Variants in CABCOCO1 observed in about 807,000 individuals in gnomAD.
The protein encoded by CABCOCO1 is ciliary associated calcium binding coiled-coil 1.
In CABCOCO1, 28 loss-of-function variants were observed where a neutral mutation model predicts 35.7. The observed-to-expected ratio is 0.78, with a 90% confidence interval of 0.58 to 1.07. CABCOCO1 has a LOEUF of 1.07. CABCOCO1 is among the 50% of genes least tolerant of loss of function. CABCOCO1 has a pLI of 0.00. For synonymous variants in CABCOCO1, 95 were observed against 100.1 expected (o/e 0.95, Z 0.30); for missense variants, 326 against 309.2 (o/e 1.05, Z -0.41).
intron 5 of CABCOCO1, among the ~76,000 whole-genome samples, chr10:61,723,742 G>C (rs903377841): frequency 4.6e-5 from 7 of 152,100 alleles, no homozygotes; most frequent in Admixed American, 3.9e-4. Flanking sequence ...TCAGATCCAG[G>C]ACCCCACCCT....
At chr10:61,669,020 G>GAAAAAAAA (rs200867627) in intron 1 of CABCOCO1, among the ~76,000 whole-genome samples, 2 of 102,480 alleles carry the variant, frequency 2.0e-5, no homozygotes, top group East Asian at 2.3e-4. Flanking sequence ...AAGGGTTGGG[G>GAAAAAAAA]AAAAAAAAAA....
chr10:61,691,812 A>T (rs1471017187), intron 5 of CABCOCO1, among the ~76,000 whole-genome samples: 1 of 152,152 alleles, frequency 6.6e-6, no homozygotes, highest in Non-Finnish European at 1.5e-5. Context: ...GTCCCTGCAA[A>T]GGACATGAAC....
chr10:61,732,410 T>C (rs897351614), intron 5 of CABCOCO1, among the ~76,000 whole-genome samples: 4 of 152,076 alleles, frequency 2.6e-5, no homozygotes, highest in Non-Finnish European at 5.9e-5. Context: ...AGATTTGTAA[T>C]GTGGTTACAT....
At chr10:61,681,046 T>C (rs1366961628) in intron 2 of CABCOCO1, 97 bp from the exon 3 acceptor site, 2 of 656,318 alleles carry the variant, frequency 3.0e-6, no homozygotes, top group African/African-American at 3.9e-5. Context: ...TTTCAGATTA[T>C]GGGCATTAAA....
chr10:61,715,580 G>A (rs904168720), intron 5 of CABCOCO1, among the ~76,000 whole-genome samples: 7 of 152,096 alleles, frequency 4.6e-5, no homozygotes, highest in Non-Finnish European at 8.8e-5. Context: ...TATTTTGCCC[G>A]TTAATTGATG....
At chr10:61,700,972 CATATACATACACAGAG>C (rs1840442805) in intron 5 of CABCOCO1, among the ~76,000 whole-genome samples, 3 of 116,732 alleles carry the variant, frequency 2.6e-5, no homozygotes, top group Admixed American at 1.8e-4. Context: ...TACATGTATA[CATATACATACACAGAG>C]AGAGAGAGAA....
chr10:61,669,885 A>G (rs1391095312), intron 1 of CABCOCO1, among the ~76,000 whole-genome samples: 1 of 152,146 alleles, frequency 6.6e-6, no homozygotes, highest in Non-Finnish European at 1.5e-5. Flanking sequence ...TTAATATGAC[A>G]GTAATCTTGT....
chr10:61,737,835 A>G (rs562819339), intron 5 of CABCOCO1, among the ~76,000 whole-genome samples: 1 of 152,232 alleles, frequency 6.6e-6, no homozygotes, highest in East Asian at 1.9e-4. Flanking sequence ...GGAGAGGAGC[A>G]GAAAAGATAA....
At chr10:61,714,444 A>G (rs1447592429) in intron 5 of CABCOCO1, among the ~76,000 whole-genome samples, 2 of 150,996 alleles carry the variant, frequency 1.3e-5, no homozygotes, top group Non-Finnish European at 2.9e-5. Context: ...AATTTTGTTG[A>G]TCTTTTCAAA....
intron 5 of CABCOCO1, among the ~76,000 whole-genome samples, chr10:61,754,612 G>C (rs760964521): frequency 2.0e-5 from 3 of 152,048 alleles, no homozygotes; most frequent in Non-Finnish European, 4.4e-5. Flanking sequence ...AAGCCCAAGC[G>C]AAACAAGATC....
chr10:61,741,555 A>G (rs1023852683), intron 5 of CABCOCO1, among the ~76,000 whole-genome samples: 2 of 140,996 alleles, frequency 1.4e-5, no homozygotes, highest in Non-Finnish European at 3.2e-5. Flanking sequence ...CATTAATGCT[A>G]AAATCTATAT....
At chr10:61,679,298 T>TCTATATCTATATCTATAG (rs1420371788) in intron 2 of CABCOCO1, among the ~76,000 whole-genome samples, 14 of 117,982 alleles carry the variant, frequency 1.2e-4, no homozygotes, top group Non-Finnish European at 2.5e-4. Flanking sequence ...TATATCTATA[T>TCTATATCTATATCTATAG]CTATATCTAT....
chr10:61,735,879 T>G (rs1278727470), intron 5 of CABCOCO1, among the ~76,000 whole-genome samples: 3 of 152,188 alleles, frequency 2.0e-5, no homozygotes, highest in Non-Finnish European at 4.4e-5. Context: ...TGAAGCGCTT[T>G]AAAAACAAAC....
At chr10:61,713,666 T>C (rs896039435) in intron 5 of CABCOCO1, among the ~76,000 whole-genome samples, 5 of 152,336 alleles carry the variant, frequency 3.3e-5, no homozygotes, top group African/African-American at 1.2e-4. Flanking sequence ...ATAGCTCTTA[T>C]TATTTTGAGA....
chr10:61,748,228 G>T (rs7906239), intron 5 of CABCOCO1, among the ~76,000 whole-genome samples: 42,042 of 151,638 alleles, frequency 0.28, 6,468 homozygotes, highest in African/African-American at 0.41. Context: ...AATAGCAATA[G>T]ATAGTGACTT....
intron 5 of CABCOCO1, among the ~76,000 whole-genome samples, chr10:61,728,328 TA>T (rs748050924): frequency 7.9e-5 from 12 of 152,176 alleles, no homozygotes; most frequent in Non-Finnish European, 1.0e-4. Context: ...CGACATTTGG[TA>T]ATAAAATACC....
intron 2 of CABCOCO1, among the ~76,000 whole-genome samples, chr10:61,680,856 G>A (rs575860878): frequency 1.4e-5 from 2 of 147,898 alleles, no homozygotes; most frequent in African/African-American, 4.9e-5. Context: ...TAGTAAAATT[G>A]CTATACATAA....
intron 4 of CABCOCO1, among the ~76,000 whole-genome samples, chr10:61,686,680 T>C (rs1241508279): frequency 6.6e-6 from 1 of 152,190 alleles, no homozygotes; most frequent in Non-Finnish European, 1.5e-5. Flanking sequence ...TGAATATACT[T>C]CCTCAAATTT....
intron 7 of CABCOCO1, among the ~76,000 whole-genome samples, chr10:61,762,761 C>T (rs1296477005): frequency 6.6e-6 from 1 of 152,036 alleles, no homozygotes; most frequent in Non-Finnish European, 1.5e-5. Context: ...GGAGCTGTGA[C>T]CTGGGTTCTA....
Sources: gnomAD v4.1 joint callset for allele counts (sites outside exome capture counted in the v4.1 genomes callset) on GRCh38, gnomAD v4.1.1 for gene constraint, MANE v1.5 for transcripts, NCBI Gene and HGNC (gene_info 2026-07-23, HGNC 2026-07-21) for gene names.